Variants in ATP2B2 observed in about 807,000 individuals in gnomAD.
The protein encoded by ATP2B2 is plasma membrane calcium-transporting ATPase 2.
Under a neutral mutation model 120.0 loss-of-function variants are expected in ATP2B2, and 15 were observed. That is an observed-to-expected ratio of 0.12 (90% CI 0.08 to 0.19). The LOEUF (loss-of-function observed/expected upper bound fraction) is 0.19. Ranked by LOEUF, ATP2B2 falls within the 10% of genes least tolerant of loss-of-function variation. ATP2B2 has a pLI of 1.00. For synonymous variants in ATP2B2, 694 were observed against 700.3 expected (o/e 0.99, Z 0.14); for missense variants, 1,045 against 1,719.8 (o/e 0.61, Z 6.94).
In ATP2B2 at chr3:10,358,740, T is replaced by G; in HGVS notation, c.2087A>C (p.Glu696Ala). 1 of 1,614,220 alleles carries G rather than the reference T, an allele frequency of 6.2e-7. No homozygotes were observed. Among genetic ancestry groups the G allele is most frequent in the South Asian group, 1.1e-5 (1 of 91,088 alleles). The change falls in exon 14 of 23, where the codon GAA (glutamate) becomes GCA (alanine). Residue 696 changes from glutamate to alanine, a missense_variant. Glu to Ala is a moderately radical substitution (Grantham distance 107). This residue lies in a region of ATP2B2 where 343 missense variants were observed against 536.8 expected (regional missense o/e 0.64). Coordinates refer to ENST00000360273, the MANE Select transcript of ATP2B2 (RefSeq NM_001001331.4). Reference sequence around the variant, plus strand: ...GCCCACCACGCAGATGCAGGTGAGTTCGTTGAGGATGTCATTCTCATTGTC... The same window carrying G: ...GCCCACCACGCAGATGCAGGTGAGTGCGTTGAGGATGTCATTCTCATTGTC... ...DWDNENDILN[E>A]LTCICVVGIE... is the part of the protein sequence containing the mutation.
upstream of ATP2B2, among the ~76,000 whole-genome samples, chr3:10,508,562 G>A (rs557691718): frequency 5.4e-4 from 83 of 152,298 alleles, no homozygotes; most frequent in African/African-American, 2.0e-3. Context: ...TCAGCAAACC[G>A]AAGCCTCAAG....
intron 22 of ATP2B2, among the ~76,000 whole-genome samples, chr3:10,330,674 C>T (rs1473008578): frequency 2.0e-5 from 3 of 152,180 alleles, no homozygotes; most frequent in South Asian, 2.1e-4. Context: ...ACGAGACGGT[C>T]GTGGGGAGGC....
At chr3:10,524,838 A>G (rs2067058826) in intron 3 of ATP2B2, among the ~76,000 whole-genome samples, 1 of 152,154 alleles carries the variant, frequency 6.6e-6, no homozygotes, top group Admixed American at 6.5e-5. Context: ...TGCTCTTGGC[A>G]GTCTCTAACA....
intron 2 of ATP2B2, among the ~76,000 whole-genome samples, chr3:10,430,042 G>T (rs992239631): frequency 3.3e-5 from 5 of 152,206 alleles, no homozygotes; most frequent in African/African-American, 1.2e-4. Flanking sequence ...GGTTCATGCG[G>T]CTTAAGAAAA....
At chr3:10,366,309 C>T (rs1340155179) in intron 12 of ATP2B2, among the ~76,000 whole-genome samples, 1 of 152,188 alleles carries the variant, frequency 6.6e-6, no homozygotes, top group Non-Finnish European at 1.5e-5. Flanking sequence ...AAATACAGCA[C>T]AGCCAACCCT....
chr3:10,641,971 T>A (rs2070183666), intron 1 of ATP2B2, among the ~76,000 whole-genome samples: 1 of 121,548 alleles, frequency 8.2e-6, no homozygotes, highest in Non-Finnish European at 1.7e-5. Flanking sequence ...CATCCACTCA[T>A]CCACCCACAC....
At chr3:10,619,493 C>A (rs1340971107) in intron 2 of ATP2B2, among the ~76,000 whole-genome samples, 1 of 152,132 alleles carries the variant, frequency 6.6e-6, no homozygotes, top group Non-Finnish European at 1.5e-5. Flanking sequence ...ATATGACAGC[C>A]ACAGAGCCCA....
intron 1 of ATP2B2, among the ~76,000 whole-genome samples, chr3:10,500,231 C>A (rs992250083): frequency 6.6e-6 from 1 of 151,498 alleles, no homozygotes; most frequent in Non-Finnish European, 1.5e-5. Flanking sequence ...AGCCACTGCG[C>A]CTGGCCTGAC....
intron 2 of ATP2B2, among the ~76,000 whole-genome samples, chr3:10,423,519 T>C (rs1158200472): frequency 6.6e-6 from 1 of 152,202 alleles, no homozygotes; most frequent in African/African-American, 2.4e-5. Context: ...TCCCTCTGTA[T>C]CAACCTCACT....
intron 1 of ATP2B2, among the ~76,000 whole-genome samples, chr3:10,692,161 T>A (rs890429634): frequency 6.6e-6 from 1 of 152,218 alleles, no homozygotes; most frequent in South Asian, 2.1e-4. Flanking sequence ...TTATAAGACA[T>A]ACAAGCCTGG....
Position 10,371,873 on chromosome 3 carries a change from G to T in ATP2B2, c.1595C>A (p.Thr532Asn). The T allele has an allele frequency of 6.2e-7, 1 of 1,614,178 alleles. No homozygotes were observed. The highest frequency in any genetic ancestry group is 8.5e-7 in the Non-Finnish European group (1 of 1,180,034). ...ATTGATCAGCAGCTCCATGGTCTTG[G>T]TGTTGATGGAGCTGGGGTCGGGGAT... ...KEIPDPSSIN[T>N]KTMELLINAI... Residue 532 changes from threonine (T) to asparagine (N), a missense_variant, in exon 12 of 23, where the codon ACC (threonine) becomes AAC (asparagine). By Grantham distance (65) the Thr-to-Asn change is moderately conservative. This residue lies in a region of ATP2B2 where 343 missense variants were observed against 536.8 expected (regional missense o/e 0.64). Coordinates refer to ENST00000360273, the MANE Select transcript of ATP2B2 (RefSeq NM_001001331.4).
intron 2 of ATP2B2, among the ~76,000 whole-genome samples, chr3:10,551,319 C>A (rs952798483): frequency 3.9e-5 from 6 of 152,170 alleles, no homozygotes; most frequent in African/African-American, 1.4e-4. Context: ...GGTAGTATGG[C>A]TTTAGGACCT....
At chr3:10,384,343 AGCTCCT>A (rs2061612327) in intron 8 of ATP2B2, among the ~76,000 whole-genome samples, 1 of 152,174 alleles carries the variant, frequency 6.6e-6, no homozygotes, top group Non-Finnish European at 1.5e-5. Flanking sequence ...CCCTGCCCTC[AGCTCCT>A]CTGGGGCAAT....
chr3:10,559,148 T>C (rs2067845742), intron 2 of ATP2B2, among the ~76,000 whole-genome samples: 1 of 152,254 alleles, frequency 6.6e-6, no homozygotes, highest in Non-Finnish European at 1.5e-5. Context: ...TAACTGCTGA[T>C]GGGTGTGATG....
At position 10,656,720 on chromosome 3, in the gene ATP2B2, T is replaced by G. The variant is rs114964405; in HGVS notation, c.-459-36759A>C. On this transcript the variant is annotated intron_variant, in intron 1 of 21. Coordinates refer to the ATP2B2 transcript ENST00000646379. The stretch of plus-strand genomic sequence containing the variant: ...CAAGAAAACAATGGCACCAGTCTGA[T>G]GACTAGAGATGTTACAAGTGTTTTG... Among the ~76,000 whole-genome samples, 937 of 152,354 alleles carry G rather than the reference T, an allele frequency of 6.2e-3. 9 individuals carry two copies. The highest frequency in any genetic ancestry group is 0.021 in the African/African-American group (888 of 41,562).
intron 1 of ATP2B2, among the ~76,000 whole-genome samples, chr3:10,701,938 C>G (rs78463894): frequency 0.01 from 1,543 of 152,172 alleles, 27 homozygotes; most frequent in African/African-American, 0.035. Flanking sequence ...ATAGTGACAA[C>G]TGGACAACAG....
chr3:10,481,172 C>G (rs1486952582), intron 1 of ATP2B2, among the ~76,000 whole-genome samples: 2 of 152,246 alleles, frequency 1.3e-5, no homozygotes, highest in Non-Finnish European at 2.9e-5. Context: ...ATACCTGAAG[C>G]CAACAATCCC....
chr3:10,345,579 T>TGGGGAC lies in ATP2B2; in HGVS notation c.2512-10_2512-5dup. The TGGGGAC allele has an allele frequency of 6.2e-7, 1 of 1,614,010 alleles. No homozygotes were observed. Among genetic ancestry groups the TGGGGAC allele is most frequent in the African/African-American group, 1.3e-5 (1 of 75,038 alleles). ...CCACGTCAGTGCCTGCGATGCCCTGTGGGGACAGGGACAGGAGGCTGGGTG... is the reference window on the plus strand; with the variant it reads ...CCACGTCAGTGCCTGCGATGCCCTGTGGGGACGGGGACAGGGACAGGAGGCTGGGTG... On this transcript the variant is annotated splice_polypyrimidine_tract_variant and splice_region_variant and intron_variant, in intron 17 of 22. Transcript: ENST00000360273.
chr3:10,531,580 G>A (rs1247183537), intron 3 of ATP2B2, among the ~76,000 whole-genome samples: 1 of 152,176 alleles, frequency 6.6e-6, no homozygotes, highest in Non-Finnish European at 1.5e-5. Context: ...TGCATTAAGT[G>A]ATTGCTATGG....
Sources: gnomAD v4.1 joint callset for allele counts (sites outside exome capture counted in the v4.1 genomes callset) on GRCh38, gnomAD v4.1.1 for gene constraint, gnomAD v4.1.1 regional missense constraint, MANE v1.5 for transcripts, NCBI Gene and HGNC (gene_info 2026-07-23, HGNC 2026-07-21) for gene names.